The following LAP3 variants were observed in gnomAD, a reference collection of about 807,000 sequenced individuals.
LAP3 encodes the protein leucine aminopeptidase 3, also known as cytosol aminopeptidase.
Under a neutral mutation model 58.8 loss-of-function variants are expected in LAP3, and 46 were observed. That is an observed-to-expected ratio of 0.78 (90% CI 0.62 to 1.00). The LOEUF is 1.00. Ranked by LOEUF, LAP3 falls within the 50% of genes least tolerant of loss-of-function variation. The pLI is 0.00. For missense variants in LAP3, 615 were observed against 659.1 expected (o/e 0.93, Z 0.73); for synonymous variants, 257 against 237.7 (o/e 1.08, Z -0.75).
chr4:17,595,213 G>A lies in LAP3; in HGVS notation c.864-197G>A, dbSNP rs563704250. The stretch of plus-strand genomic sequence containing the variant: ...ACCACCACACCCGGCTAATTTTTTT[G>A]TATTTATAGTAGAGATGGGTTGCAC... On this transcript the variant is annotated intron_variant, in intron 7 of 12. Coordinates refer to ENST00000226299, the MANE Select transcript of LAP3 (RefSeq NM_015907.3). Among the ~76,000 whole-genome samples, 57 of 149,116 alleles carry A rather than the reference G, an allele frequency of 3.8e-4. No homozygotes were observed. In the East Asian group the frequency reaches 9.1e-3, roughly 24 times the overall value.
chr4:17,583,282 C>G (rs1157123063), intron 4 of LAP3: 6 of 611,574 alleles, frequency 9.8e-6, no homozygotes. Flanking sequence ...TCACCACCAC[C>G]TGGGAGTGAG....
Position 17,585,139 on chromosome 4 carries a change from A to G in LAP3, c.704+3A>G. 1 of 1,610,612 alleles carries G rather than the reference A, an allele frequency of 6.2e-7. No individual in the cohort carries two copies. The highest frequency in any genetic ancestry group is 8.5e-7 in the Non-Finnish European group (1 of 1,177,140). On this transcript the variant is annotated splice_donor_region_variant and intron_variant, in intron 6 of 12. Transcript: ENST00000226299. ...AGTAAAACCGAGGTCCATATCAGGT[A>G]ATTCAGGATTGTGTCACAGACTCGA...
rs188536613 is a variant in LAP3 at position 17,584,180 on chromosome 4, G to T, written c.539+538G>T. Among the ~76,000 whole-genome samples the T allele has an allele frequency of 2.2e-3, 332 of 152,354 alleles. 1 individual carries two copies. The highest frequency in any genetic ancestry group is 3.7e-3 in the Non-Finnish European group (251 of 68,036). ...GCTGTGGGGAGTGGGGGAGAGTGCG[G>T]GCTCTGCAGCCAGTCAGCATGGGCT... On this transcript the variant is annotated intron_variant, in intron 5 of 12. Coordinates refer to ENST00000226299, the MANE Select transcript of LAP3 (RefSeq NM_015907.3).
Position 17,607,587 on chromosome 4 carries a change from T to G in LAP3, c.1558T>G (p.Ter520GluextTer16). The G allele has an allele frequency of 6.2e-7, 1 of 1,607,298 alleles. No individual in the cohort carries two copies. Among genetic ancestry groups the G allele is most frequent in the Non-Finnish European group, 8.5e-7 (1 of 1,177,358 alleles). ...FLLRFSQDNA[*>E] ...ACTTCGTTTCAGTCAAGACAATGCT[T>G]AGTTCAGATACTCAAAAATGTCTTC... Residue 520 changes from the stop codon to glutamate (E), a stop_lost, in exon 13 of 13, where the codon TAG (stop) becomes GAG (glutamate). Coordinates refer to ENST00000226299, the MANE Select transcript of LAP3 (RefSeq NM_015907.3).
At chr4:17,598,903 A>G (rs934381514) in intron 10 of LAP3, among the ~76,000 whole-genome samples, 1 of 151,756 alleles carries the variant, frequency 6.6e-6, no homozygotes, top group African/African-American at 2.4e-5. Flanking sequence ...GTCCTGGCGA[A>G]TTTTTGTATT....
intron 10 of LAP3, among the ~76,000 whole-genome samples, chr4:17,603,806 G>T (rs1336190214): frequency 2.8e-5 from 4 of 142,822 alleles, no homozygotes; most frequent in Non-Finnish European, 4.5e-5. Context: ...GAGGCATTGC[G>T]CCTGGCCTTT....
intron 8 of LAP3, among the ~76,000 whole-genome samples, chr4:17,596,569 C>T (rs1713836191): frequency 6.6e-6 from 1 of 152,074 alleles, no homozygotes; most frequent in South Asian, 2.1e-4. Flanking sequence ...GAACTCCTGA[C>T]CTCAGGTGAT....
Position 17,585,140 on chromosome 4 carries a change from A to C in LAP3, c.704+4A>C, listed in dbSNP as rs910162600. ...GTAAAACCGAGGTCCATATCAGGTA[A>C]TTCAGGATTGTGTCACAGACTCGAG... On this transcript the variant is annotated splice_donor_region_variant and intron_variant, in intron 6 of 12. Coordinates refer to ENST00000226299, the MANE Select transcript of LAP3 (RefSeq NM_015907.3). The C allele has an allele frequency of 5.0e-6, 8 of 1,610,434 alleles. No individual in the cohort carries two copies. The highest frequency in any genetic ancestry group is 5.9e-6 in the Non-Finnish European group (7 of 1,177,108).
intron 1 of LAP3, among the ~76,000 whole-genome samples, chr4:17,578,273 A>G (rs961135965): frequency 6.6e-6 from 1 of 152,186 alleles, no homozygotes; most frequent in African/African-American, 2.4e-5. Context: ...TCCTGCAGGT[A>G]TCTCAGTGGT....
intron 1 of LAP3, among the ~76,000 whole-genome samples, chr4:17,578,802 TC>T (rs1484757414): frequency 4.6e-5 from 7 of 152,240 alleles, no homozygotes; most frequent in Admixed American, 3.3e-4. Context: ...GCTTCTACCC[TC>T]CCTAGGAAGT....
At chr4:17,588,002 C>T (rs1293665249) in intron 6 of LAP3, among the ~76,000 whole-genome samples, 1 of 150,788 alleles carries the variant, frequency 6.6e-6, no homozygotes, top group Non-Finnish European at 1.5e-5. Context: ...TATCTTTAAG[C>T]ACTCTTTGTG....
chr4:17,586,161 C>T (rs1469025305), intron 6 of LAP3: 5 of 152,322 alleles, frequency 3.3e-5, no homozygotes, highest in Middle Eastern at 3.4e-3. Context: ...CCAGTTCCGT[C>T]GCTCTCTTGG....
chr4:17,584,922 C>T, intron 5 of LAP3, 50 bp from the exon 6 acceptor site: 1 of 1,573,944 alleles, frequency 6.4e-7, no homozygotes, highest in Non-Finnish European at 8.7e-7. Flanking sequence ...GGCAGGCAGT[C>T]AGCGTTCTTG....
At chr4:17,596,970 A>C (rs1713845666) in intron 8 of LAP3, 76 bp from the exon 9 acceptor site, 1 of 1,326,242 alleles carries the variant, frequency 7.5e-7, no homozygotes, top group African/African-American at 1.5e-5. Flanking sequence ...CATGGCTCAC[A>C]GGTGGCCTCT....
At chr4:17,590,828 C>G (rs1177575981) in intron 7 of LAP3, among the ~76,000 whole-genome samples, 1 of 152,052 alleles carries the variant, frequency 6.6e-6, no homozygotes, top group Non-Finnish European at 1.5e-5. Context: ...CCTCGGTCTC[C>G]TGAACTGCTG....
chr4:17,588,737 T>C (rs574334245), intron 6 of LAP3, 82 bp from the exon 7 acceptor site: 2 of 1,334,372 alleles, frequency 1.5e-6, no homozygotes, highest in East Asian at 4.6e-5. Flanking sequence ...TTATACTTTT[T>C]CACACACTGT....
chr4:17,594,935 GCA>G (rs1363386149), intron 7 of LAP3, among the ~76,000 whole-genome samples: 6 of 152,204 alleles, frequency 3.9e-5, no homozygotes, highest in Admixed American at 3.9e-4. Context: ...GATGGAATTT[GCA>G]CAGTCTTGAT....
Position 17,577,230 on chromosome 4 carries a change from G to T in LAP3, c.-236G>T. 5.4e-6 allele frequency: 2 copies of T among 370,726 alleles called. No individual in the cohort carries two copies. The highest frequency in any genetic ancestry group is 4.8e-6 in the Non-Finnish European group (1 of 207,928). 23.0% of individuals were successfully genotyped at this position (370,726 alleles called of 1,614,324 possible). A position where few individuals can be genotyped will look rare whatever the true frequency, so the allele number is the denominator to read the frequency against. ...AATGCGGGCGCACACGAATGCGGGC[G>T]CACACGAATGCGGGCGCACCCTTGA... On this transcript the variant is annotated 5_prime_UTR_variant, in exon 1 of 13. Coordinates refer to ENST00000226299, the MANE Select transcript of LAP3 (RefSeq NM_015907.3).
chr4:17,581,563 A>T (rs1265696063), intron 2 of LAP3, among the ~76,000 whole-genome samples, 197 bp from the exon 3 acceptor site: 1 of 130,380 alleles, frequency 7.7e-6, no homozygotes, highest in Non-Finnish European at 1.6e-5. Flanking sequence ...ACAGAGTGAG[A>T]CCCTGTCTCT....
Sources: allele counts gnomAD v4.1 joint callset (sites outside exome capture counted in the v4.1 genomes callset), GRCh38; gene constraint gnomAD v4.1.1; transcripts MANE v1.5; gene names NCBI Gene and HGNC (gene_info 2026-07-23, HGNC 2026-07-21).